Variants in DENND3 observed in about 807,000 individuals in gnomAD.
DENND3 encodes DENN domain-containing protein 3.
A neutral mutation model predicts 135.1 loss-of-function variants in DENND3; 88 were observed. That is an observed-to-expected ratio of 0.65 (90% confidence interval 0.55 to 0.78). The LOEUF (loss-of-function observed/expected upper bound fraction) is 0.78, where lower values mean the gene tolerates loss of function less well. Ranked by LOEUF, DENND3 falls within the 30% of genes least tolerant of loss-of-function variation. The probability of loss-of-function intolerance (pLI) is 0.00; values close to 1 mark genes in which losing one functional copy is unlikely to be tolerated. For synonymous variants in DENND3, 693 were observed against 712.3 expected (o/e 0.97, Z 0.43); for missense variants, 1,392 against 1,688.4 (o/e 0.82, Z 3.08).
At chr8:141,156,668 C>A (rs1218281030) in intron 8 of DENND3, among the ~76,000 whole-genome samples, 2 of 152,174 alleles carry the variant, frequency 1.3e-5, no homozygotes, top group Admixed American at 1.3e-4. Flanking sequence ...ACAGCCATGG[C>A]CCCTGCCCCT....
chr8:141,156,037 G>A (rs1483372778), intron 8 of DENND3, 67 bp downstream of exon 8: 37 of 1,496,810 alleles, frequency 2.5e-5, no homozygotes, highest in Middle Eastern at 1.8e-4. Context: ...TTGCCACTTC[G>A]AGTATCTTTT....
At chr8:141,172,209 ATGTGCACAGTGGCCGTGGG>A (rs1046891538) in intron 13 of DENND3, among the ~76,000 whole-genome samples, 1 of 126,180 alleles carries the variant, frequency 7.9e-6, no homozygotes, top group Non-Finnish European at 1.7e-5. Context: ...TGCACAGTGG[ATGTGCACAGTGGCCGTGGG>A]TGTGCACAGT....
At chr8:141,145,823 A>T (rs1265771309) in intron 5 of DENND3, among the ~76,000 whole-genome samples, 3 of 33,034 alleles carry the variant, frequency 9.1e-5, no homozygotes, top group African/African-American at 3.8e-4. Context: ...ATATATATAT[A>T]TATATATATA....
At chr8:141,157,581 G>A (rs910507564) in intron 8 of DENND3, 61 of 985,766 alleles carry the variant, frequency 6.2e-5, no homozygotes, top group Non-Finnish European at 7.1e-5. Context: ...CTGGATTTCA[G>A]TCAGCCATCA....
intron 5 of DENND3, among the ~76,000 whole-genome samples, chr8:141,148,915 C>CTTT (rs747154335): frequency 6.9e-6 from 1 of 143,888 alleles, no homozygotes; most frequent in African/African-American, 2.5e-5. Context: ...ATGAATCTGC[C>CTTT]TTTTTTTTTT....
intron 5 of DENND3, among the ~76,000 whole-genome samples, chr8:141,145,319 C>T (rs1171658517): frequency 6.6e-6 from 1 of 152,228 alleles, no homozygotes; most frequent in African/African-American, 2.4e-5. Context: ...TACCCTCCTT[C>T]CTCTTTGAGA....
At chr8:141,131,466 C>T (rs951055985) in intron 1 of DENND3, among the ~76,000 whole-genome samples, 21 of 152,186 alleles carry the variant, frequency 1.4e-4, no homozygotes, top group Non-Finnish European at 2.9e-4. Flanking sequence ...AGCTGGCCTT[C>T]CTGGGTGATG....
intron 5 of DENND3, among the ~76,000 whole-genome samples, chr8:141,149,703 G>C (rs1818557061): frequency 6.6e-6 from 1 of 152,264 alleles, no homozygotes; most frequent in African/African-American, 2.4e-5. Flanking sequence ...GGCTTCAGGA[G>C]GACCTGGAGA....
intron 6 of DENND3, 71 bp from the exon 7 acceptor site, chr8:141,151,548 A>T: frequency 6.9e-7 from 1 of 1,458,298 alleles, no homozygotes; most frequent in Non-Finnish European, 9.5e-7. Context: ...GCTGGGCAAC[A>T]CAGCGAGACC....
rs539319767 is a variant in DENND3 at position 141,161,138 on chromosome 8, C to T, written c.1352+351C>T. Among the ~76,000 whole-genome samples the T allele has an allele frequency of 6.2e-4, 95 of 152,286 alleles. 1 individual carries two copies. Among genetic ancestry groups the T allele is most frequent in the African/African-American group, 1.9e-3 (78 of 41,544 alleles). On this transcript the variant is annotated intron_variant, in intron 9 of 22. Transcript: ENST00000519811. ...GTTTTGGGACAGCCCTCTAGGAAGA[C>T]GCAAATCTGATAAACCTGCAGGGAG...
At chr8:141,153,241 G>A (rs904559191) in intron 7 of DENND3, among the ~76,000 whole-genome samples, 2 of 151,866 alleles carry the variant, frequency 1.3e-5, no homozygotes, top group African/African-American at 4.8e-5. Context: ...CTACAGGCAT[G>A]TGCCACCACA....
intron 19 of DENND3, among the ~76,000 whole-genome samples, chr8:141,189,417 G>A (rs545333876): frequency 4.6e-5 from 7 of 152,362 alleles, no homozygotes; most frequent in Non-Finnish European, 1.0e-4. Flanking sequence ...TGTGGCATGG[G>A]GCAGCCCCGA....
intron 20 of DENND3, among the ~76,000 whole-genome samples, chr8:141,190,777 C>T (rs1316660090): frequency 2.0e-5 from 3 of 152,222 alleles, no homozygotes; most frequent in Admixed American, 2.0e-4. Context: ...CCTCTGTGTG[C>T]GTCACGTCTC....
chr8:141,153,135 C>T (rs1383490894), intron 7 of DENND3, among the ~76,000 whole-genome samples: 2 of 148,516 alleles, frequency 1.3e-5, no homozygotes, highest in Admixed American at 1.3e-4. Flanking sequence ...GCTCTGTTGC[C>T]CAGGCTGGAG....
intron 20 of DENND3, 179 bp from the exon 21 acceptor site, chr8:141,192,151 AG>A: frequency 1.6e-6 from 1 of 635,652 alleles, no homozygotes; most frequent in Non-Finnish European, 2.5e-6. Context: ...TTAAAGACCC[AG>A]GGTTCTAGCT....
chr8:141,165,261 G>T lies in DENND3; in HGVS notation c.1525G>T (p.Asp509Tyr). Residue 509 changes from aspartate (D) to tyrosine (Y), a missense_variant, in exon 11 of 23, where the codon GAC becomes TAC. By Grantham distance (160) the Asp-to-Tyr change is radical. Coordinates refer to ENST00000519811, the MANE Select transcript of DENND3 (RefSeq NM_001352890.3). ...NRRMDAFAQM[D>Y]LDTQSEEDRI... ...GAGGATGGACGCCTTTGCTCAGATG[G>T]ACCTCGACACCCAGTCGGAGGAGGA... 1 of 1,614,178 alleles carries T rather than the reference G, an allele frequency of 6.2e-7. No homozygotes were observed.
At chr8:141,171,452 G>A (rs940731639) in intron 13 of DENND3, among the ~76,000 whole-genome samples, 5 of 152,196 alleles carry the variant, frequency 3.3e-5, no homozygotes, top group Non-Finnish European at 4.4e-5. Flanking sequence ...GAAGCAAGAC[G>A]TCCATGGGCA....
chr8:141,136,383 C>A, intron 1 of DENND3, 126 bp from the exon 2 acceptor site: 2 of 1,015,476 alleles, frequency 2.0e-6, no homozygotes, highest in Non-Finnish European at 2.8e-6. Flanking sequence ...CTGTTAGGAG[C>A]CTGAGGCGCC....
Position 141,185,100 on chromosome 8 carries a change from T to G in DENND3, c.2945-39T>G, listed in dbSNP as rs775068050. 6.9e-6 allele frequency: 11 copies of G among 1,589,546 alleles called. No homozygotes were observed. In the East Asian group the frequency reaches 2.0e-4, roughly 29 times the overall value. ...CAGTCACCTGCTGCTACAGCAGAAG[T>G]GTTTCCTCCTAACAGTTTTGTGCTG... On this transcript the variant is annotated intron_variant, in intron 17 of 22. Coordinates refer to ENST00000519811, the MANE Select transcript of DENND3 (RefSeq NM_001352890.3).
Sources: gnomAD v4.1 joint callset for allele counts (sites outside exome capture counted in the v4.1 genomes callset) on GRCh38, gnomAD v4.1.1 for gene constraint, MANE v1.5 for transcripts, NCBI Gene and HGNC (gene_info 2026-07-23, HGNC 2026-07-21) for gene names.